The following PPP1R21 variants were observed in gnomAD, a reference collection of about 807,000 sequenced individuals.
PPP1R21 encodes KLRAQ motif containing 1.
Under a neutral mutation model 112.8 loss-of-function variants are expected in PPP1R21, and 85 were observed. The observed-to-expected ratio is 0.75, with a 90% CI of 0.63 to 0.90. The LOEUF is 0.90. Ranked by LOEUF, PPP1R21 falls within the 40% of genes least tolerant of loss-of-function variation. The pLI is 0.00. For synonymous variants in PPP1R21, 381 were observed against 322.3 expected (o/e 1.18, Z -1.95); for missense variants, 1,199 against 901.5 (o/e 1.33, Z -4.23).
rs766037017 is a variant in PPP1R21, at chr2:48,458,224, A to G, written c.372A>G (p.Ile124Met). Residue 124 changes from isoleucine to methionine, a missense_variant, in exon 4 of 22, where the codon ATA becomes ATG. By Grantham distance (10) the Ile-to-Met change is conservative. Coordinates refer to ENST00000294952, the MANE Select transcript of PPP1R21 (RefSeq NM_001135629.3). ...KKIEENERLH[I>M]QFFEADEQHK... Reference sequence around the variant, plus strand: ...TAGAAGAGAATGAACGGTTGCATATACAAGTGAGAAAATCTGTTTTTCTAT... The same window carrying G: ...TAGAAGAGAATGAACGGTTGCATATGCAAGTGAGAAAATCTGTTTTTCTAT... 9 of 1,601,732 alleles carry G rather than the reference A, an allele frequency of 5.6e-6. No homozygotes were observed. In the East Asian group the frequency reaches 2.0e-4, roughly 36 times the overall value.
chr2:48,450,955 A>G, intron 1 of PPP1R21, 53 bp from the exon 2 acceptor site: 1 of 1,453,072 alleles, frequency 6.9e-7, no homozygotes, highest in Non-Finnish European at 9.7e-7. Context: ...GATTTCCTTG[A>G]TATAACCAAT....
chr2:48,441,349 C>T (rs187313403), intron 1 of PPP1R21: 44 of 377,368 alleles, frequency 1.2e-4, no homozygotes, highest in Admixed American at 5.7e-4. Flanking sequence ...GTGGACCACT[C>T]CTCACCTCGC....
chr2:48,501,151 G>C (rs1224619019), intron 17 of PPP1R21, among the ~76,000 whole-genome samples: 1 of 152,202 alleles, frequency 6.6e-6, no homozygotes, highest in Non-Finnish European at 1.5e-5. Flanking sequence ...GTATAAATGA[G>C]GTAATGAGAG....
intron 12 of PPP1R21, among the ~76,000 whole-genome samples, chr2:48,475,854 A>G (rs967606295): frequency 1.3e-5 from 2 of 152,194 alleles, no homozygotes; most frequent in Non-Finnish European, 2.9e-5. Context: ...TCAAAAAAAA[A>G]AAAGTATTTT....
At chr2:48,483,495 C>G (rs1669130107) in intron 13 of PPP1R21, among the ~76,000 whole-genome samples, 2 of 152,090 alleles carry the variant, frequency 1.3e-5, no homozygotes, top group South Asian at 4.1e-4. Flanking sequence ...ATGTCAAAAT[C>G]CTAAAATTCA....
In PPP1R21 at chr2:48,440,890, G is replaced by C. The variant is rs1358007440; in HGVS notation, c.-64G>C. 9.2e-7 allele frequency: 1 copy of C among 1,087,588 alleles called. No homozygotes were observed. The highest frequency in any genetic ancestry group is 1.3e-6 in the Non-Finnish European group (1 of 763,012). 67.4% of individuals were successfully genotyped at this position (1,087,588 alleles called of 1,614,324 possible). ...GACCCGTTCCCGGGAGCGTGTCTGG[G>C]TTTGGGGGCGGGAGACAGGCTGAGC... On this transcript the variant is annotated 5_prime_UTR_variant, in exon 1 of 22. Coordinates refer to ENST00000294952, the MANE Select transcript of PPP1R21 (RefSeq NM_001135629.3).
intron 3 of PPP1R21, among the ~76,000 whole-genome samples, chr2:48,457,628 A>G (rs927914340): frequency 1.3e-5 from 2 of 152,090 alleles, no homozygotes; most frequent in Non-Finnish European, 2.9e-5. Flanking sequence ...TAATAGCTTT[A>G]TTTTATATAT....
chr2:48,515,234 C>CTCTCTCTT lies in PPP1R21; in HGVS notation c.*497_*498insTTCTCTCT, dbSNP rs1670824176. 1 of 153,368 alleles carries CTCTCTCTT rather than the reference C, an allele frequency of 6.5e-6. No individual in the cohort carries two copies. Among genetic ancestry groups the CTCTCTCTT allele is most frequent in the African/African-American group, 2.4e-5 (1 of 41,302 alleles). The allele number at this position is 153,368 out of a possible 1,614,324, so 9.5% of individuals were successfully genotyped here. A position where few individuals can be genotyped will look rare whatever the true frequency, so the allele number is the denominator to read the frequency against. On this transcript the variant is annotated 3_prime_UTR_variant, in exon 22 of 22. Coordinates refer to ENST00000294952, the MANE Select transcript of PPP1R21 (RefSeq NM_001135629.3). Reference sequence around the variant, plus strand: ...TTCATATTTCTCTCTCTCTCTCTCTCTCTCTCTCTCTCTTCTTTCTCTCTG... The same window carrying CTCTCTCTT: ...TTCATATTTCTCTCTCTCTCTCTCTCTCTCTCTTTCTCTCTCTCTCTTCTTTCTCTCTG...
chr2:48,460,297 G>T, intron 6 of PPP1R21, 144 bp downstream of exon 6: 1 of 751,338 alleles, frequency 1.3e-6, no homozygotes, highest in Non-Finnish European at 2.1e-6. Flanking sequence ...TTCAATTCTG[G>T]GATCTCCGGG....
intron 11 of PPP1R21, among the ~76,000 whole-genome samples, chr2:48,474,355 T>C (rs77195144): frequency 0.091 from 13,851 of 152,154 alleles, 716 homozygotes; most frequent in Non-Finnish European, 0.11. Flanking sequence ...TGTACTCGAA[T>C]CTGGAGACAG....
intron 3 of PPP1R21, among the ~76,000 whole-genome samples, chr2:48,455,890 T>C (rs567497472): frequency 4.7e-4 from 71 of 151,766 alleles, no homozygotes; most frequent in African/African-American, 1.6e-3. Context: ...GGCAGGCGCC[T>C]ATAGTTCCAG....
At chr2:48,477,665 T>C (rs2103880369) in intron 12 of PPP1R21, among the ~76,000 whole-genome samples, 1 of 142,036 alleles carries the variant, frequency 7.0e-6, no homozygotes, top group South Asian at 2.2e-4. Context: ...TGAGCCCTCC[T>C]ACTTTTTTTT....
At chr2:48,470,861 G>T (rs1344968879) in intron 9 of PPP1R21, among the ~76,000 whole-genome samples, 1 of 152,112 alleles carries the variant, frequency 6.6e-6, no homozygotes, top group Non-Finnish European at 1.5e-5. Flanking sequence ...ATGGGATAGG[G>T]ACTTGGGGGT....
At chr2:48,493,569 G>A (rs1164129636) in intron 15 of PPP1R21, among the ~76,000 whole-genome samples, 1 of 147,576 alleles carries the variant, frequency 6.8e-6, no homozygotes, top group East Asian at 2.0e-4. Flanking sequence ...CATTTGGACA[G>A]GCAGCCTGTA....
At chr2:48,454,884 T>C in intron 3 of PPP1R21, 143 bp downstream of exon 3, 3 of 659,142 alleles carry the variant, frequency 4.6e-6, no homozygotes, top group Non-Finnish European at 8.0e-6. Flanking sequence ...CTGCCACCCA[T>C]GCTGGAGTGC....
chr2:48,488,108 T>C (rs1486770833), intron 14 of PPP1R21, among the ~76,000 whole-genome samples: 4 of 152,206 alleles, frequency 2.6e-5, no homozygotes, highest in African/African-American at 9.7e-5. Context: ...CAGTGTCATA[T>C]TTCCAAAGTT....
chr2:48,498,822 T>G (rs1669970887), intron 17 of PPP1R21, 87 bp downstream of exon 17: 2 of 1,342,484 alleles, frequency 1.5e-6, no homozygotes, highest in Non-Finnish European at 2.1e-6. Flanking sequence ...ATTGTCTTAG[T>G]TCATTCAGGC....
intron 7 of PPP1R21, 91 bp from the exon 8 acceptor site, chr2:48,464,846 T>G: frequency 1.1e-6 from 1 of 880,020 alleles, no homozygotes; most frequent in Non-Finnish European, 1.8e-6. Flanking sequence ...TAAAGTTGAT[T>G]TTGCTTCAGA....
intron 12 of PPP1R21, 63 bp from the exon 13 acceptor site, chr2:48,479,861 A>G (rs1668928491): frequency 1.0e-6 from 1 of 962,150 alleles, no homozygotes; most frequent in Admixed American, 1.7e-5. Flanking sequence ...CCAAAAGTAG[A>G]GGGATACAAT....
Sources: gnomAD v4.1 joint callset for allele counts (sites outside exome capture counted in the v4.1 genomes callset) on GRCh38, gnomAD v4.1.1 for gene constraint, MANE v1.5 for transcripts, NCBI Gene and HGNC (gene_info 2026-07-23, HGNC 2026-07-21) for gene names.